Variants in COLEC10 observed in about 807,000 individuals in gnomAD.
The protein encoded by COLEC10 is collectin-10.
A neutral mutation model predicts 28.4 loss-of-function variants in COLEC10; 22 were observed. That is an observed-to-expected ratio of 0.78 (90% CI 0.55 to 1.11). The LOEUF is 1.11. Among genes scored for constraint, COLEC10 ranks in the 50% least tolerant of loss-of-function variants. COLEC10 has a pLI of 0.00. For synonymous variants in COLEC10, 125 were observed against 116.1 expected (o/e 1.08, Z -0.49); for missense variants, 361 against 344.1 (o/e 1.05, Z -0.39).
At chr8:118,966,009 T>A in the COLEC10 span, among the ~76,000 whole-genome samples, 2 of 152,136 alleles carry the variant, frequency 1.3e-5, no homozygotes, top group African/African-American at 4.8e-5. Flanking sequence ...GGCATTTTTT[T>A]AAACCATGTC....
At chr8:119,049,024 G>T (rs78897617) in intron 2 of COLEC10, among the ~76,000 whole-genome samples, 2,551 of 152,226 alleles carry the variant, frequency 0.017, 30 homozygotes, top group Middle Eastern at 0.031. Context: ...TATAAGGCTG[G>T]TCTTGTTGAA....
the COLEC10 span, among the ~76,000 whole-genome samples, chr8:118,972,745 T>G: frequency 0.017 from 2,582 of 152,022 alleles, 62 homozygotes; most frequent in African/African-American, 0.058. Flanking sequence ...GCATAATCAT[T>G]ACTGTACCCC....
intron 5 of COLEC10, among the ~76,000 whole-genome samples, chr8:119,104,408 A>T (rs1257568058): frequency 6.6e-6 from 1 of 152,140 alleles, no homozygotes; most frequent in Non-Finnish European, 1.5e-5. Context: ...GCAGGAATGT[A>T]GTACAAGCTT....
chr8:119,000,599 A>T (rs181151623), intron 1 of COLEC10, among the ~76,000 whole-genome samples: 4 of 152,210 alleles, frequency 2.6e-5, no homozygotes, highest in African/African-American at 9.6e-5. Context: ...CAGGAAAAGA[A>T]GCACAATAAA....
At chr8:119,084,954 C>T (rs1228393509) in intron 1 of COLEC10, among the ~76,000 whole-genome samples, 1 of 152,124 alleles carries the variant, frequency 6.6e-6, no homozygotes, top group Non-Finnish European at 1.5e-5. Context: ...CACTTATCTA[C>T]TTCTATTCTC....
intron 2 of COLEC10, among the ~76,000 whole-genome samples, chr8:119,050,117 C>T (rs1814651662): frequency 6.6e-6 from 1 of 152,182 alleles, no homozygotes; most frequent in African/African-American, 2.4e-5. Context: ...TTAGTTCATA[C>T]ATGTAAAGTA....
intron 2 of COLEC10, among the ~76,000 whole-genome samples, chr8:119,053,442 G>A (rs1018956518): frequency 1.3e-5 from 2 of 152,204 alleles, no homozygotes; most frequent in South Asian, 2.1e-4. Flanking sequence ...TTGAGTACCC[G>A]AAGGTGTCTG....
At chr8:119,068,677 A>G (rs1815022738) in intron 1 of COLEC10, 1 of 152,180 alleles carries the variant, frequency 6.6e-6, no homozygotes, top group Admixed American at 6.6e-5. Context: ...TTTTCCCATT[A>G]GAAACCCTGT....
At chr8:119,029,478 A>G (rs1213736258) in intron 2 of COLEC10, among the ~76,000 whole-genome samples, 2 of 152,166 alleles carry the variant, frequency 1.3e-5, no homozygotes, top group Non-Finnish European at 2.9e-5. Flanking sequence ...TATGATAATA[A>G]GGACTATGTG....
intron 2 of COLEC10, among the ~76,000 whole-genome samples, chr8:119,028,803 T>A (rs761152682): frequency 5.9e-5 from 9 of 152,214 alleles, no homozygotes; most frequent in Non-Finnish European, 1.0e-4. Context: ...AGGTAAACAT[T>A]ATTTTCCCTT....
intron 2 of COLEC10, among the ~76,000 whole-genome samples, chr8:119,052,598 C>T (rs1301327502): frequency 1.3e-5 from 2 of 152,030 alleles, no homozygotes; most frequent in Non-Finnish European, 2.9e-5. Context: ...CATTGACTCA[C>T]AGAAGAATGA....
chr8:119,017,866 A>G (rs1814022528), intron 2 of COLEC10, among the ~76,000 whole-genome samples: 1 of 152,150 alleles, frequency 6.6e-6, no homozygotes, highest in Non-Finnish European at 1.5e-5. Context: ...TTCCTGAGAT[A>G]AGTGTTATTA....
At chr8:119,014,529 A>G (rs1310846357) in intron 2 of COLEC10, among the ~76,000 whole-genome samples, 1 of 150,538 alleles carries the variant, frequency 6.6e-6, no homozygotes, top group Non-Finnish European at 1.5e-5. Flanking sequence ...TGAATACAAC[A>G]TCCTAGATGT....
In COLEC10 at chr8:119,017,678, T is replaced by C. The variant is rs78474444; in HGVS notation, n.235+8125T>C. 1.8e-3 allele frequency among the ~76,000 whole-genome samples: 274 copies of C among 152,314 alleles called. 4 individuals carry two copies. In the East Asian group the frequency reaches 0.044, roughly 25 times the overall value. On this transcript the variant is annotated intron_variant and non_coding_transcript_variant, in intron 2 of 6. Coordinates refer to the COLEC10 transcript ENST00000521788. ...TTCGGAGCTCCTACATCACTATGCATACCACTGTGATTTTAAATAATTAAT... is the reference window on the plus strand; with the variant it reads ...TTCGGAGCTCCTACATCACTATGCACACCACTGTGATTTTAAATAATTAAT...
intron 2 of COLEC10, among the ~76,000 whole-genome samples, chr8:119,027,941 A>C (rs904960082): frequency 2.6e-5 from 4 of 152,200 alleles, no homozygotes; most frequent in Admixed American, 2.0e-4. Context: ...AACTCAGTTC[A>C]CATTAGTGTA....
chr8:119,077,576 C>G (rs1815272412), intron 1 of COLEC10, among the ~76,000 whole-genome samples: 1 of 152,048 alleles, frequency 6.6e-6, no homozygotes, highest in South Asian at 2.1e-4. Context: ...GAGGGTAGAG[C>G]ATGGAATTCT....
intron 2 of COLEC10, among the ~76,000 whole-genome samples, chr8:119,030,051 C>G (rs1340736229): frequency 6.6e-6 from 1 of 152,176 alleles, no homozygotes; most frequent in East Asian, 1.9e-4. Context: ...AAGCCGAAGT[C>G]CCCTGCAGAT....
intron 1 of COLEC10, among the ~76,000 whole-genome samples, chr8:119,070,802 T>TA (rs566689805): frequency 7.9e-5 from 12 of 152,214 alleles, no homozygotes; most frequent in African/African-American, 2.4e-4. Context: ...CAAAACATGT[T>TA]AAAAAATGAT....
chr8:119,080,057 C>G (rs1266747374), intron 1 of COLEC10, among the ~76,000 whole-genome samples: 1 of 152,042 alleles, frequency 6.6e-6, no homozygotes, highest in Non-Finnish European at 1.5e-5. Context: ...GATATTTTAT[C>G]TTGTCATTTG....
Sources: gnomAD v4.1 joint callset for allele counts (sites outside exome capture counted in the v4.1 genomes callset) on GRCh38, gnomAD v4.1.1 for gene constraint, MANE v1.5 for transcripts, NCBI Gene and HGNC (gene_info 2026-07-23, HGNC 2026-07-21) for gene names.